The following HMCN1 variants were observed in gnomAD, a reference collection of about 807,000 sequenced individuals.
HMCN1 encodes hemicentin 1.
HMCN1 carries 321 observed loss-of-function variants against 625.9 expected under a neutral mutation model. The observed-to-expected ratio is 0.51, with a 90% CI of 0.47 to 0.56. The LOEUF (loss-of-function observed/expected upper bound fraction) is 0.56, where lower values mean the gene tolerates loss of function less well. Ranked by LOEUF, HMCN1 falls within the 20% of genes least tolerant of loss-of-function variation. The probability of loss-of-function intolerance (pLI) is 0.00; values close to 1 mark genes in which losing one functional copy is unlikely to be tolerated. For missense variants in HMCN1, 6,588 were observed against 6,887.3 expected (o/e 0.96, Z 1.54); for synonymous variants, 2,425 against 2,417.6 (o/e 1.00, Z -0.09).
chr1:185,957,985 C>G (rs771808635), intron 11 of HMCN1, among the ~76,000 whole-genome samples: 4 of 152,160 alleles, frequency 2.6e-5, no homozygotes, highest in Admixed American at 6.5e-5. Flanking sequence ...CTAATTTTAT[C>G]TATTTTATTG....
chr1:186,055,668 G>A lies in HMCN1; in HGVS notation c.7138G>A (p.Val2380Ile), dbSNP rs774929732. 1.9e-6 allele frequency: 3 copies of A among 1,612,422 alleles called. No homozygotes were observed. The highest frequency in any genetic ancestry group is 2.5e-6 in the Non-Finnish European group (3 of 1,178,854). Reference sequence around the variant, plus strand: ...GACTGACAAAAAATATGACTTAAGTGTCCATGGTAAGTAGAAAGAGGCTCA... The same window carrying A: ...GACTGACAAAAAATATGACTTAAGTATCCATGGTAAGTAGAAAGAGGCTCA... ...GMTDKKYDLSVHAPPSIIGNH... is the reference protein window; with the variant it reads ...GMTDKKYDLSIHAPPSIIGNH... Residue 2380 changes from valine to isoleucine, a missense_variant, in exon 45 of 107, where the codon GTC (valine) becomes ATC (isoleucine). Val to Ile is a conservative substitution (Grantham distance 29, BLOSUM62 3). Transcript: ENST00000271588.
chr1:185,880,910 C>T (rs929381013), intron 4 of HMCN1, among the ~76,000 whole-genome samples: 1 of 152,228 alleles, frequency 6.6e-6, no homozygotes, highest in African/African-American at 2.4e-5. Context: ...AATATAATGA[C>T]ATCCACCCCT....
chr1:186,018,078 A>C, intron 33 of HMCN1, 105 bp from the exon 34 acceptor site: 1 of 1,020,436 alleles, frequency 9.8e-7, no homozygotes, highest in Non-Finnish European at 1.5e-6. Flanking sequence ...TTACAGAGTA[A>C]GCAACTAGGA....
intron 29 of HMCN1, among the ~76,000 whole-genome samples, chr1:186,006,407 AG>A (rs1653637595): frequency 6.6e-6 from 1 of 152,122 alleles, no homozygotes; most frequent in Non-Finnish European, 1.5e-5. Flanking sequence ...TAAAGGTATG[AG>A]TCTTAGGATA....
chr1:185,981,831 A>G (rs74134255), intron 17 of HMCN1, among the ~76,000 whole-genome samples: 1 of 152,114 alleles, frequency 6.6e-6, no homozygotes, highest in African/African-American at 2.4e-5. Flanking sequence ...TTTGCTTGAG[A>G]TATTACAACA....
intron 42 of HMCN1, among the ~76,000 whole-genome samples, chr1:186,050,682 C>G (rs1656891502): frequency 6.6e-6 from 1 of 151,890 alleles, no homozygotes; most frequent in Non-Finnish European, 1.5e-5. Context: ...TAAAGAAAAG[C>G]AGTGTAATAG....
At chr1:186,102,119 A>T (rs1660409489) in intron 68 of HMCN1, among the ~76,000 whole-genome samples, 1 of 152,098 alleles carries the variant, frequency 6.6e-6, no homozygotes, top group African/African-American at 2.4e-5. Context: ...AGTCTTGGAA[A>T]CCATGATGAG....
chr1:186,157,697 T>A (rs1651118992), intron 97 of HMCN1, among the ~76,000 whole-genome samples: 1 of 152,188 alleles, frequency 6.6e-6, no homozygotes, highest in African/African-American at 2.4e-5. Flanking sequence ...GGTGTTTGGT[T>A]TTTTGTTCTT....
Position 186,168,335 on chromosome 1 carries a change from C to T in HMCN1, c.15574+1393C>T, listed in dbSNP as rs144269517. 5.2e-3 allele frequency among the ~76,000 whole-genome samples: 796 copies of T among 151,724 alleles called. 8 individuals carry two copies. Among genetic ancestry groups the T allele is most frequent in the African/African-American group, 0.018 (749 of 41,338 alleles). ...AGGTGCAGTGGCTGACAAATGTAATCCCAGCTACTTGGGAGGCTGAGGCAG... is the reference window on the plus strand; with the variant it reads ...AGGTGCAGTGGCTGACAAATGTAATTCCAGCTACTTGGGAGGCTGAGGCAG... On this transcript the variant is annotated intron_variant, in intron 100 of 106. Coordinates refer to ENST00000271588, the MANE Select transcript of HMCN1 (RefSeq NM_031935.3).
At chr1:186,103,440 G>T in intron 68 of HMCN1, 32 bp from the exon 69 acceptor site, 1 of 1,563,636 alleles carries the variant, frequency 6.4e-7, no homozygotes. Context: ...GAAACTGTGG[G>T]TTTATTATTA....
Position 186,114,080 on chromosome 1 carries a change from A to G in HMCN1, c.11233A>G (p.Thr3745Ala). ...TGAAGGTGTGCCAACTCCAAGGATA[A>G]CATGGAGAAAGGATGGAGCTGTTCT... ...IAEGVPTPRI[T>A]WRKDGAVLAG... The change falls in exon 73 of 107, where the codon ACA becomes GCA. Residue 3745 changes from threonine to alanine, a missense_variant. By Grantham distance (58) the Thr-to-Ala change is moderately conservative. Around this residue, in one of 3 missense-constraint regions of HMCN1, gnomAD observed 4,628 missense variants for 4,853.1 expected, o/e 0.95. Coordinates refer to ENST00000271588, the MANE Select transcript of HMCN1 (RefSeq NM_031935.3). The G allele has an allele frequency of 6.2e-7, 1 of 1,614,104 alleles. No individual in the cohort carries two copies. Among genetic ancestry groups the G allele is most frequent in the Non-Finnish European group, 8.5e-7 (1 of 1,179,938 alleles).
At chr1:186,007,042 G>A in intron 29 of HMCN1, 86 bp from the exon 30 acceptor site, 1 of 992,586 alleles carries the variant, frequency 1.0e-6, no homozygotes, top group Non-Finnish European at 1.6e-6. Flanking sequence ...TGTATTTTTA[G>A]CCTGTACTAA....
intron 89 of HMCN1, 47 bp downstream of exon 89, chr1:186,138,019 T>C: frequency 6.3e-7 from 1 of 1,597,684 alleles, no homozygotes; most frequent in Non-Finnish European, 8.6e-7. Context: ...TTTTCTATCT[T>C]AACCCCTATG....
In HMCN1 at chr1:186,045,674, C is replaced by T. The variant is rs369988539; in HGVS notation, c.6305-14C>T. On this transcript the variant is annotated splice_polypyrimidine_tract_variant and intron_variant, in intron 40 of 106. Transcript: ENST00000271588. Reference sequence around the variant, plus strand: ...GCCTGTTTTATCCTGAAAGAAAACCCATCTTTCATGTAGTTCCGCCAAATA... The same window carrying T: ...GCCTGTTTTATCCTGAAAGAAAACCTATCTTTCATGTAGTTCCGCCAAATA... The T allele has an allele frequency of 2.2e-5, 35 of 1,606,934 alleles. No individual in the cohort carries two copies. The African/African-American group carries it at 4.3e-4, about 20-fold the overall frequency.
intron 1 of HMCN1, among the ~76,000 whole-genome samples, chr1:185,778,368 T>G (rs1233065681): frequency 6.6e-6 from 1 of 151,998 alleles, no homozygotes; most frequent in Non-Finnish European, 1.5e-5. Context: ...TAATTATACT[T>G]TAAGTTCTAG....
intron 20 of HMCN1, among the ~76,000 whole-genome samples, chr1:185,989,161 C>T (rs1652218971): frequency 6.6e-6 from 1 of 151,870 alleles, no homozygotes; most frequent in South Asian, 2.1e-4. Flanking sequence ...GTGCCTGCCA[C>T]CTCGCCCGGC....
rs1661273946 is a variant in HMCN1 at position 186,119,187 on chromosome 1, T to G, written c.11849-4T>G. On this transcript the variant is annotated splice_region_variant and splice_polypyrimidine_tract_variant and intron_variant, in intron 77 of 106. Coordinates refer to ENST00000271588, the MANE Select transcript of HMCN1 (RefSeq NM_031935.3). ...TATATTAAAACATTTTTTTTCATTTTTAGGAGCAATTGAAATACTTGCCAC... is the reference window on the plus strand; with the variant it reads ...TATATTAAAACATTTTTTTTCATTTGTAGGAGCAATTGAAATACTTGCCAC... 1 of 1,608,544 alleles carries G rather than the reference T, an allele frequency of 6.2e-7. No homozygotes were observed. Among genetic ancestry groups the G allele is most frequent in the African/African-American group, 1.3e-5 (1 of 74,792 alleles).
intron 11 of HMCN1, among the ~76,000 whole-genome samples, chr1:185,951,098 A>G (rs1668638079): frequency 6.6e-6 from 1 of 151,704 alleles, no homozygotes; most frequent in Admixed American, 6.6e-5. Context: ...GGGGTGCATG[A>G]TCGGTCACCA....
At chr1:185,960,325 C>T (rs1649926530) in intron 11 of HMCN1, among the ~76,000 whole-genome samples, 1 of 152,002 alleles carries the variant, frequency 6.6e-6, no homozygotes, top group African/African-American at 2.4e-5. Flanking sequence ...GACAGAGTTT[C>T]TCCATGTTGG....
Sources: gnomAD v4.1 joint callset for allele counts (sites outside exome capture counted in the v4.1 genomes callset) on GRCh38, gnomAD v4.1.1 for gene constraint, gnomAD v4.1.1 regional missense constraint, MANE v1.5 for transcripts, NCBI Gene and HGNC (gene_info 2026-07-23, HGNC 2026-07-21) for gene names.